NFASC: variants seen among roughly 807,000 people sequenced by gnomAD.
NFASC encodes the protein neurofascin homolog.
A neutral mutation model predicts 147.5 loss-of-function variants in NFASC; 43 were observed. The observed-to-expected ratio is 0.29, with a 90% CI of 0.23 to 0.38. NFASC has a LOEUF of 0.38. Among genes scored for constraint, NFASC ranks in the 10% least tolerant of loss-of-function variants. The probability of loss-of-function intolerance (pLI) is 1.00; values close to 1 mark genes in which losing one functional copy is unlikely to be tolerated. For synonymous variants in NFASC, 622 were observed against 665.5 expected (o/e 0.93, Z 1.01); for missense variants, 1,320 against 1,689.0 (o/e 0.78, Z 3.83).
Position 204,854,818 on chromosome 1 carries a change from C to G in NFASC, c.-200+26036C>G, listed in dbSNP as rs75879486. On this transcript the variant is annotated intron_variant, in intron 1 of 29. Coordinates refer to ENST00000339876, the MANE Select transcript of NFASC (RefSeq NM_001005388.3). ...GTCCTTGGTAAGAAGTAGTTTTCCT[C>G]TGAGCCCTCTCCTGGCCTCACTCTG... Among the ~76,000 whole-genome samples the G allele has an allele frequency of 8.3e-3, 1,265 of 152,350 alleles. 11 individuals are homozygous for G. The highest frequency in any genetic ancestry group is 0.012 in the Non-Finnish European group (807 of 68,038).
intron 1 of NFASC, chr1:204,871,098 T>A: frequency 7.8e-7 from 1 of 1,289,788 alleles, no homozygotes; most frequent in Middle Eastern, 2.1e-4. Flanking sequence ...GCCCTCCCTC[T>A]TGGCCTCTCA....
chr1:204,845,436 C>T (rs1030266041), intron 1 of NFASC, among the ~76,000 whole-genome samples: 10 of 151,456 alleles, frequency 6.6e-5, no homozygotes, highest in Admixed American at 4.6e-4. Flanking sequence ...CCAGCCTGGG[C>T]GACAGAGTGA....
At chr1:204,921,663 C>T (rs749414220) in intron 2 of NFASC, among the ~76,000 whole-genome samples, 16 of 152,236 alleles carry the variant, frequency 1.1e-4, no homozygotes, top group Admixed American at 3.9e-4. Context: ...ACCTTGGGAA[C>T]GCTGAACCCC....
In NFASC at chr1:205,016,193, TG is replaced by T; in HGVS notation, c.3492-113del. The T allele has an allele frequency of 1.3e-6, 1 of 740,810 alleles. No homozygotes were observed. Among genetic ancestry groups the T allele is most frequent in the Non-Finnish European group, 2.4e-6 (1 of 417,890 alleles). The allele number at this position is 740,810 out of a possible 1,614,324, so 45.9% of individuals were successfully genotyped here. On this transcript the variant is annotated intron_variant, in intron 29 of 29. Coordinates refer to ENST00000339876, the MANE Select transcript of NFASC (RefSeq NM_001005388.3). This position sits in a 1 kb window ranked among gnomAD's most constrained non-coding sequence, Gnocchi z 5.1. ...GGACAGGGGAGGGTGAAGCGGGGGC[TG>T]GACTGGGCGGTCTCCTGGATCCCAT...
At chr1:204,962,269 A>G in intron 8 of NFASC, 1 of 924,520 alleles carries the variant, frequency 1.1e-6, no homozygotes, top group Non-Finnish European at 1.7e-6. Context: ...TGGCCCAGCC[A>G]GGGTGCCAAG....
chr1:204,980,592 CCTCTCT>C, intron 20 of NFASC, 152 bp downstream of exon 20: 1 of 636,530 alleles, frequency 1.6e-6, no homozygotes, highest in Non-Finnish European at 2.8e-6. Flanking sequence ...AAACCAAGCT[CCTCTCT>C]GAGTTGGGCA....
intron 1 of NFASC, among the ~76,000 whole-genome samples, chr1:204,885,185 G>C (rs927289173): frequency 6.6e-6 from 1 of 152,092 alleles, no homozygotes; most frequent in African/African-American, 2.4e-5. Context: ...GGAGCCCAGG[G>C]TGGGAACAAC....
chr1:204,898,039 C>T (rs2083738947), intron 1 of NFASC, among the ~76,000 whole-genome samples: 2 of 152,196 alleles, frequency 1.3e-5, no homozygotes. Flanking sequence ...CACCAAGCCG[C>T]CTGGCTAATT....
In NFASC at chr1:204,928,099, A is replaced by C. The variant is rs376807031; in HGVS notation, c.-91+7359A>C. Among the ~76,000 whole-genome samples, 8 of 152,308 alleles carry C rather than the reference A, an allele frequency of 5.3e-5. No individual in the cohort carries two copies. The South Asian group carries it at 1.7e-3, about 32-fold the overall frequency. ...TTCTTTACATCCTGTTTTACCTGCT[A>C]ATCTTTGTATGGCAGGAGACTGGTC... On this transcript the variant is annotated intron_variant, in intron 2 of 29. Transcript: ENST00000339876.
Position 205,015,002 on chromosome 1 carries a change from G to A in NFASC, c.3492-1306G>A, listed in dbSNP as rs915672212. ...ATCTCCCAACCCACGGCTGTCCCAC[G>A]AATACAGTTAGGCTGTATTCGTGGG... On this transcript the variant is annotated intron_variant, in intron 29 of 29. Coordinates refer to ENST00000339876, the MANE Select transcript of NFASC (RefSeq NM_001005388.3). This position sits in a 1 kb window ranked among gnomAD's most constrained non-coding sequence, Gnocchi z 4.0. 2.0e-5 allele frequency among the ~76,000 whole-genome samples: 3 copies of A among 151,996 alleles called. No individual in the cohort carries two copies. Among genetic ancestry groups the A allele is most frequent in the Admixed American group, 6.5e-5 (1 of 15,276 alleles).
rs181650552 is a variant in NFASC at position 204,895,845 on chromosome 1, C to G, written c.-199-24787C>G. The stretch of plus-strand genomic sequence containing the variant: ...AATTTGAGCATCTATGTTCCCAACC[C>G]CCTTTATGTAAGTGACTCCTCTAAC... On this transcript the variant is annotated intron_variant, in intron 1 of 29. Coordinates refer to ENST00000339876, the MANE Select transcript of NFASC (RefSeq NM_001005388.3). Among the ~76,000 whole-genome samples the G allele has an allele frequency of 3.4e-3, 523 of 152,234 alleles. 5 individuals are homozygous for G. The highest frequency in any genetic ancestry group is 9.7e-3 in the African/African-American group (404 of 41,550).
intron 1 of NFASC, among the ~76,000 whole-genome samples, chr1:204,901,919 C>T (rs1367749311): frequency 2.0e-5 from 3 of 151,932 alleles, no homozygotes; most frequent in East Asian, 3.9e-4. Flanking sequence ...CGTGAGGGGG[C>T]GGCACCTGTG....
chr1:204,947,041 G>A (rs1270204501), intron 3 of NFASC: 3 of 341,552 alleles, frequency 8.8e-6, no homozygotes, highest in African/African-American at 6.5e-5. Context: ...CCACCCTGGA[G>A]GAAAAGAGGA....
intron 1 of NFASC, among the ~76,000 whole-genome samples, chr1:204,916,798 G>T (rs535939908): frequency 2.2e-4 from 34 of 151,782 alleles, no homozygotes; most frequent in Non-Finnish European, 4.4e-4. Context: ...GTCTCGAACC[G>T]CTGGGCTCAA....
At chr1:204,967,968 C>A in intron 8 of NFASC, 8 of 289,790 alleles carry the variant, frequency 2.8e-5, no homozygotes, top group South Asian at 1.5e-4. Flanking sequence ...AGCCCCTCCC[C>A]GTTCCAGGGA....
intron 21 of NFASC, among the ~76,000 whole-genome samples, chr1:204,985,462 C>T (rs560328863): frequency 1.3e-5 from 2 of 152,362 alleles, no homozygotes; most frequent in African/African-American, 4.8e-5. Context: ...CTGCTGCCTG[C>T]CGTCAATCTA....
At chr1:204,850,772 T>C (rs1316271240) in intron 1 of NFASC, among the ~76,000 whole-genome samples, 1 of 152,220 alleles carries the variant, frequency 6.6e-6, no homozygotes, top group African/African-American at 2.4e-5. Context: ...CAACTAAACC[T>C]CTTTCTTCAT....
At chr1:204,914,140 A>G (rs1489068371) in intron 1 of NFASC, among the ~76,000 whole-genome samples, 3 of 152,218 alleles carry the variant, frequency 2.0e-5, no homozygotes, top group African/African-American at 7.2e-5. Context: ...TCCTAGTAAA[A>G]GAAGTTCCTT....
intron 1 of NFASC, among the ~76,000 whole-genome samples, chr1:204,907,356 A>G (rs980302377): frequency 2.0e-5 from 3 of 152,126 alleles, no homozygotes; most frequent in African/African-American, 7.2e-5. Flanking sequence ...ATATATTATG[A>G]AAGCCCTTTA....
Sources: allele counts gnomAD v4.1 joint callset (sites outside exome capture counted in the v4.1 genomes callset), GRCh38; gene constraint gnomAD v4.1.1; non-coding constraint Gnocchi (gnomAD v3.1); transcripts MANE v1.5; gene names NCBI Gene and HGNC (gene_info 2026-07-23, HGNC 2026-07-21).